The following DLG5 variants were observed in gnomAD, a reference collection of about 807,000 sequenced individuals.
The protein encoded by DLG5 is disks large homolog 5.
Under a neutral mutation model 189.8 loss-of-function variants are expected in DLG5, and 48 were observed. The observed-to-expected ratio is 0.25, with a 90% CI of 0.20 to 0.32. The LOEUF (loss-of-function observed/expected upper bound fraction) is 0.32. Ranked by LOEUF, DLG5 falls within the 10% of genes least tolerant of loss-of-function variation. The pLI is 1.00. For synonymous variants in DLG5, 1,016 were observed against 1,054.1 expected, an observed-to-expected ratio of 0.96 and a Z score of 0.70; for missense variants, 2,160 against 2,544.7, an observed-to-expected ratio of 0.85 and a Z score of 3.25.
At chr10:77,928,310 T>C (rs1193624099), upstream of DLG5, 1 of 152,252 alleles carries the variant, frequency 6.6e-6, no homozygotes, top group African/African-American at 2.4e-5. Context: ...TGAACATTTA[T>C]ATATTTTTCT....
chr10:77,799,229 A>G (rs940287499), intron 27 of DLG5, among the ~76,000 whole-genome samples: 1 of 152,234 alleles, frequency 6.6e-6, no homozygotes, highest in East Asian at 1.9e-4. Flanking sequence ...TGGGGGTTCC[A>G]ACCTTAGACC....
At chr10:77,814,626 G>C (rs1284589051) in intron 20 of DLG5, among the ~76,000 whole-genome samples, 4 of 151,724 alleles carry the variant, frequency 2.6e-5, no homozygotes, top group African/African-American at 9.7e-5. Context: ...CCAGGCTGGA[G>C]TGCAGTGGCG....
intron 15 of DLG5, chr10:77,820,271 G>A (rs1261949098): frequency 4.7e-6 from 2 of 425,836 alleles, no homozygotes; most frequent in South Asian, 2.5e-5. Context: ...GCTTGAACTC[G>A]GGAGGCAGAA....
At chr10:77,916,904 A>AATATATATATAT (rs55841913) in intron 1 of DLG5, among the ~76,000 whole-genome samples, 15,056 of 128,178 alleles carry the variant, frequency 0.12, 1,130 homozygotes, top group Non-Finnish European at 0.16. Context: ...TAAAATATAG[A>AATATATATATAT]ATATATATAT....
At chr10:77,889,675 G>A (rs1845549941) in intron 1 of DLG5, among the ~76,000 whole-genome samples, 1 of 152,208 alleles carries the variant, frequency 6.6e-6, no homozygotes, top group Non-Finnish European at 1.5e-5. Flanking sequence ...CCAAGAAGGG[G>A]TTAGGCAGGG....
chr10:77,795,098 G>A, intron 29 of DLG5, 140 bp from the exon 30 acceptor site: 1 of 635,998 alleles, frequency 1.6e-6, no homozygotes, highest in Non-Finnish European at 2.7e-6. Flanking sequence ...ACACCGTGGG[G>A]AAACCATACC....
intron 4 of DLG5, among the ~76,000 whole-genome samples, chr10:77,853,851 A>G (rs965063734): frequency 2.6e-5 from 4 of 152,178 alleles, no homozygotes; most frequent in Non-Finnish European, 5.9e-5. Context: ...GCAGGTGGGC[A>G]GGCAAAGACC....
At chr10:77,810,956 G>T (rs1053908669) in intron 23 of DLG5, 138 bp downstream of exon 23, 1 of 1,056,166 alleles carries the variant, frequency 9.5e-7, no homozygotes, top group Admixed American at 2.9e-5. Context: ...CCGTGCTCCC[G>T]GCCCAACTCC....
chr10:77,868,089 T>C (rs781569246), intron 2 of DLG5: 1 of 456,520 alleles, frequency 2.2e-6, no homozygotes, highest in South Asian at 1.5e-5. Flanking sequence ...TCAGCCTGCG[T>C]GGCCTCACTG....
chr10:77,916,465 G>T (rs1462248903), intron 1 of DLG5, among the ~76,000 whole-genome samples: 1 of 150,206 alleles, frequency 6.7e-6, no homozygotes, highest in Admixed American at 6.7e-5. Flanking sequence ...CTAAATTTTT[G>T]TATTTTTAGT....
chr10:77,883,992 C>G (rs1361247696), intron 1 of DLG5, among the ~76,000 whole-genome samples: 3 of 152,108 alleles, frequency 2.0e-5, no homozygotes, highest in African/African-American at 7.2e-5. Flanking sequence ...AGCCATCACG[C>G]CTGGCCTGAA....
the DLG5 span, among the ~76,000 whole-genome samples, chr10:77,933,316 C>T: frequency 1.3e-5 from 2 of 151,736 alleles, no homozygotes; most frequent in Admixed American, 6.6e-5. Context: ...GATAGAGTCT[C>T]GCTCTTGTTC....
Position 77,842,104 on chromosome 10 carries a change from G to T in DLG5, c.1214C>A (p.Thr405Asn), listed in dbSNP as rs1399992189. The T allele has an allele frequency of 1.9e-6, 3 of 1,613,362 alleles. No individual in the cohort carries two copies. Among genetic ancestry groups the T allele is most frequent in the Admixed American group, 3.3e-5 (2 of 60,032 alleles). ...WEMELLQSEL[T>N]ELRTTQVKTA... ...CTTCACCTGCGTGGTTCTCAGCTCG[G>T]TCAGCTCTGACTGCAGCAGCTCCAT... Residue 405 changes from threonine to asparagine, a missense_variant, in exon 7 of 32, where the codon ACC becomes AAC. Around this residue, in one of 5 missense-constraint regions of DLG5, gnomAD observed 664 missense variants for 838.5 expected, o/e 0.79. Coordinates refer to ENST00000372391, the MANE Select transcript of DLG5 (RefSeq NM_004747.4).
At chr10:77,936,505 G>T in the DLG5 span, among the ~76,000 whole-genome samples, 68 of 150,028 alleles carry the variant, frequency 4.5e-4, no homozygotes, top group African/African-American at 1.5e-3. Context: ...CATGAATCTT[G>T]CCCAGATACC....
intron 2 of DLG5, chr10:77,868,146 A>G (rs1254917458): frequency 4.4e-6 from 2 of 453,858 alleles, no homozygotes; most frequent in Non-Finnish European, 8.8e-6. Context: ...GAGACAATCA[A>G]TTTCTGCTGT....
At chr10:77,818,170 T>TA (rs1260724317) in intron 17 of DLG5, among the ~76,000 whole-genome samples, 5 of 152,094 alleles carry the variant, frequency 3.3e-5, no homozygotes, top group Admixed American at 6.5e-5. Flanking sequence ...GAAGAAGTGA[T>TA]AAAAAACAGA....
chr10:77,919,357 G>C (rs1165067568), intron 1 of DLG5, among the ~76,000 whole-genome samples: 1 of 151,964 alleles, frequency 6.6e-6, no homozygotes, highest in African/African-American at 2.4e-5. Context: ...TGTAGAGCTG[G>C]AAGGGCCCCC....
chr10:77,889,689 C>T (rs868717483), intron 1 of DLG5, among the ~76,000 whole-genome samples: 6 of 152,214 alleles, frequency 3.9e-5, no homozygotes, highest in Non-Finnish European at 8.8e-5. Flanking sequence ...GGCAGGGTCA[C>T]AGGCTACTTC....
At chr10:77,901,199 C>A (rs1284613750) in intron 1 of DLG5, among the ~76,000 whole-genome samples, 3 of 152,120 alleles carry the variant, frequency 2.0e-5, no homozygotes, top group Non-Finnish European at 4.4e-5. Flanking sequence ...CACAGCAAGG[C>A]ACAACTTATC....
Sources: allele counts gnomAD v4.1 joint callset (sites outside exome capture counted in the v4.1 genomes callset), GRCh38; gene constraint gnomAD v4.1.1; regional missense constraint gnomAD v4.1.1; transcripts MANE v1.5; gene names NCBI Gene and HGNC (gene_info 2026-07-23, HGNC 2026-07-21).